The following DNAJC27 variants were observed in gnomAD, a reference collection of about 807,000 sequenced individuals.
The protein encoded by DNAJC27 is dnaJ homolog subfamily C member 27.
A neutral mutation model predicts 31.4 loss-of-function variants in DNAJC27; 25 were observed. That is an observed-to-expected ratio of 0.80 (90% confidence interval 0.58 to 1.11). DNAJC27 has a LOEUF of 1.11. DNAJC27 is among the 50% of genes most tolerant of loss of function. The pLI is 0.00. For synonymous variants in DNAJC27, 106 were observed against 112.7 expected, an observed-to-expected ratio of 0.94 and a Z score of 0.37; for missense variants, 356 against 347.3, an observed-to-expected ratio of 1.02 and a Z score of -0.20.
chr2:24,971,789 G>C (rs772027886), intron 1 of DNAJC27, 29 bp downstream of exon 1: 1 of 1,578,378 alleles, frequency 6.3e-7, no homozygotes, highest in Non-Finnish European at 8.6e-7. Context: ...CCACGCTGGG[G>C]CCCGCCCCTC....
chr2:24,950,690 T>A (rs1665749958), intron 6 of DNAJC27, among the ~76,000 whole-genome samples: 1 of 151,728 alleles, frequency 6.6e-6, no homozygotes, highest in African/African-American at 2.4e-5. Flanking sequence ...CTACTAAACA[T>A]ATAAAAATTA....
Position 24,951,453 on chromosome 2 carries a change from G to A in DNAJC27, c.630C>T (p.Arg210=). ...AACTGTCTTTACTATTTCGAATTCT[G>A]CGAATGGCATCTGCTTGTTCTTTGG... ...SFTKEQADAI[R]RIRNSKDSWD... Residue 210 remains arginine (R), a synonymous_variant, in exon 6 of 7, where the codon CGC becomes CGT. Coordinates refer to ENST00000264711, the MANE Select transcript of DNAJC27 (RefSeq NM_016544.3). 6.2e-7 allele frequency: 1 copy of A among 1,613,936 alleles called. No individual in the cohort carries two copies. Among genetic ancestry groups the A allele is most frequent in the East Asian group, 2.2e-5 (1 of 44,868 alleles).
chr2:24,966,350 T>C (rs897522437), intron 2 of DNAJC27, among the ~76,000 whole-genome samples: 1 of 152,224 alleles, frequency 6.6e-6, no homozygotes, highest in Non-Finnish European at 1.5e-5. Context: ...ACCCCAATTC[T>C]ACTGTATGGG....
intron 3 of DNAJC27, 105 bp from the exon 4 acceptor site, chr2:24,958,079 G>T: frequency 9.5e-7 from 1 of 1,053,386 alleles, no homozygotes; most frequent in Non-Finnish European, 1.4e-6. Flanking sequence ...TGTATTCTTA[G>T]TGTTTGCTAT....
At chr2:24,960,178 A>T (rs1666007445) in intron 3 of DNAJC27, among the ~76,000 whole-genome samples, 1 of 152,206 alleles carries the variant, frequency 6.6e-6, no homozygotes, top group South Asian at 2.1e-4. Flanking sequence ...ATAATACTTC[A>T]AACTTTTCAT....
At position 24,947,741 on chromosome 2, in the gene DNAJC27, C is replaced by G. The variant is rs1558549508; in HGVS notation, c.697G>C (p.Val233Leu). Residue 233 changes from valine (V) to leucine (L), a missense_variant, in exon 7 of 7, where the codon GTC (valine) becomes CTC (leucine). By Grantham distance (32) the Val-to-Leu change is conservative. Transcript: ENST00000264711. The stretch of plus-strand genomic sequence containing the variant: ...GCAAGTTTCCGATACGCTTTATTGA[C>G]TTCATCCCTGGGAAAAGAAGCCAAG... ...GVKPGASRDE[V>L]NKAYRKLAVL... The G allele has an allele frequency of 6.2e-7, 1 of 1,611,694 alleles. No homozygotes were observed.
chr2:24,958,401 GC>G (rs1665959469), intron 3 of DNAJC27: 1 of 190,454 alleles, frequency 5.3e-6, no homozygotes, highest in Admixed American at 5.5e-5. Context: ...CCCAAAGCTG[GC>G]TTCCCCCAGG....
At chr2:24,959,261 A>G (rs746293975) in intron 3 of DNAJC27, among the ~76,000 whole-genome samples, 5 of 151,904 alleles carry the variant, frequency 3.3e-5, no homozygotes, top group Non-Finnish European at 7.4e-5. Flanking sequence ...CCTTCTCTCT[A>G]TTGCTCCCAC....
At chr2:24,970,304 A>C (rs1238180747) in intron 1 of DNAJC27, among the ~76,000 whole-genome samples, 2 of 152,128 alleles carry the variant, frequency 1.3e-5, no homozygotes, top group Non-Finnish European at 2.9e-5. Flanking sequence ...TTAGCAAATA[A>C]TGTTAATTTT....
chr2:24,947,434 T>C lies in DNAJC27; in HGVS notation c.*182A>G, dbSNP rs1287654050. On this transcript the variant is annotated 3_prime_UTR_variant, in exon 7 of 7. Transcript: ENST00000264711. ...TGACGCTCAGTTCACTTCATACAAA[T>C]GCAGGTCATTTCTCAGTAAAATGTC... The C allele has an allele frequency of 1.5e-6, 1 of 646,596 alleles. No homozygotes were observed. The highest frequency in any genetic ancestry group is 2.6e-6 in the Non-Finnish European group (1 of 385,112). The allele number at this position is 646,596 out of a possible 1,614,324, so 40.1% of individuals were successfully genotyped here.
intron 2 of DNAJC27, 38 bp downstream of exon 2, chr2:24,967,173 C>T (rs1421498572): frequency 6.5e-7 from 1 of 1,528,714 alleles, no homozygotes; most frequent in Non-Finnish European, 9.1e-7. Context: ...TTCTGAACTT[C>T]TATGTAACTT....
Position 24,951,404 on chromosome 2 carries a change from C to CTG in DNAJC27, c.678_679insCA (p.Gly227GlnfsTer25). On this transcript the variant is annotated frameshift_variant, in exon 6 of 7. Transcript: ENST00000264711. LOFTEE classifies it high-confidence loss of function. ...TCCCAGAGCGCTTACCTTGAGGCCC[C>CTG]AGGTTTGACTCCCAGCATGTCCCAA... The CTG allele has an allele frequency of 1.2e-6, 2 of 1,612,242 alleles. No individual in the cohort carries two copies. Among genetic ancestry groups the CTG allele is most frequent in the Non-Finnish European group, 1.7e-6 (2 of 1,179,078 alleles).
chr2:24,949,439 C>T (rs887207913), intron 6 of DNAJC27, among the ~76,000 whole-genome samples: 15 of 152,212 alleles, frequency 9.9e-5, no homozygotes, highest in African/African-American at 2.9e-4. Flanking sequence ...TTGCAGGTAG[C>T]GGGAGAAACT....
intron 6 of DNAJC27, among the ~76,000 whole-genome samples, chr2:24,950,300 T>G (rs1031630388): frequency 1.3e-5 from 2 of 152,128 alleles, no homozygotes; most frequent in African/African-American, 4.8e-5. Context: ...CTTTGGGTGC[T>G]GACATGGCAA....
Position 24,963,446 on chromosome 2 carries a change from C to T in DNAJC27, c.199G>A (p.Val67Ile), listed in dbSNP as rs372317934. 9.9e-6 allele frequency: 16 copies of T among 1,613,694 alleles called. No individual in the cohort carries two copies. The highest frequency in any genetic ancestry group is 1.4e-5 in the Non-Finnish European group (16 of 1,179,832). Residue 67 changes from valine (V) to isoleucine (I), a missense_variant, in exon 3 of 7, where the codon GTT becomes ATT. Physicochemically the swap from Val to Ile is conservative, Grantham distance 29. Transcript: ENST00000264711. ...TGTCCAGCCATATCAAAGATGTTAA[C>T]TTTGATTTCTCTGTCTCTGACGTGT... is the stretch of plus-strand genomic sequence containing the variant. Reference protein sequence around the residue: ...KVHVRDREIKVNIFDMAGHPF... With the variant: ...KVHVRDREIKINIFDMAGHPF...
rs2149118082 is a variant in DNAJC27 at position 24,945,165 on chromosome 2, A to C, written c.*2451T>G. On this transcript the variant is annotated 3_prime_UTR_variant, in exon 7 of 7. Coordinates refer to ENST00000264711, the MANE Select transcript of DNAJC27 (RefSeq NM_016544.3). Reference sequence around the variant, plus strand: ...ACCTTTCCATTGCAGATCATGCTTTATTTCTTAATATTCTGCTGAAGGATT... The same window carrying C: ...ACCTTTCCATTGCAGATCATGCTTTCTTTCTTAATATTCTGCTGAAGGATT... The C allele has an allele frequency of 6.6e-6, 1 of 152,322 alleles. No individual in the cohort carries two copies. 9.4% of individuals were successfully genotyped at this position (152,322 alleles called of 1,614,324 possible).
intron 5 of DNAJC27, among the ~76,000 whole-genome samples, chr2:24,952,323 A>G (rs894585320): frequency 1.1e-4 from 16 of 152,214 alleles, no homozygotes; most frequent in African/African-American, 3.1e-4. Flanking sequence ...ATACTCTTTC[A>G]ACATGTACTA....
At chr2:24,963,322 A>C in intron 3 of DNAJC27, 83 bp downstream of exon 3, 1 of 1,122,488 alleles carries the variant, frequency 8.9e-7, no homozygotes, top group Non-Finnish European at 1.3e-6. Flanking sequence ...TGATATCAAT[A>C]TTGGTTGTTT....
chr2:24,967,439 G>A (rs923891978), intron 1 of DNAJC27, 146 bp from the exon 2 acceptor site: 17 of 639,734 alleles, frequency 2.7e-5, no homozygotes, highest in African/African-American at 1.1e-4. Context: ...GGTGGCTCAC[G>A]CCTGTCATCT....
Sources: allele counts gnomAD v4.1 joint callset (sites outside exome capture counted in the v4.1 genomes callset), GRCh38; gene constraint gnomAD v4.1.1; transcripts MANE v1.5; gene names NCBI Gene and HGNC (gene_info 2026-07-23, HGNC 2026-07-21).